CHCHD7: variants seen among roughly 807,000 people sequenced by gnomAD.
The protein encoded by CHCHD7 is coiled-coil-helix-coiled-coil-helix domain-containing protein 7.
CHCHD7 carries 7 observed loss-of-function variants against 10.5 expected under a neutral mutation model. That is an observed-to-expected ratio of 0.67 (90% CI 0.38 to 1.25). The LOEUF is 1.25. Among genes scored for constraint, CHCHD7 ranks in the 50% most tolerant of loss-of-function variants. The pLI is 0.02. For synonymous variants in CHCHD7, 40 were observed against 36.0 expected, an observed-to-expected ratio of 1.11 and a Z score of -0.40; for missense variants, 100 against 104.5, an observed-to-expected ratio of 0.96 and a Z score of 0.19.
intron 1 of CHCHD7, chr8:56,212,964 C>T: frequency 9.1e-7 from 1 of 1,094,700 alleles, no homozygotes; most frequent in Non-Finnish European, 1.4e-6. Context: ...AGGATACTTT[C>T]ATGTAAGGCA....
Position 56,214,975 on chromosome 8 carries a change from A to G in CHCHD7, c.54+308A>G, listed in dbSNP as rs1026696182. On this transcript the variant is annotated intron_variant, in intron 2 of 3. Coordinates refer to ENST00000355315, the MANE Select transcript of CHCHD7 (RefSeq NM_001011671.3). ...AACATGGAAAACTGGAAGGTATGAT[A>G]TTTTTAAACTGTCACTGACATTTAT... is the stretch of plus-strand genomic sequence containing the variant. The G allele has an allele frequency of 3.4e-5, 8 of 238,536 alleles. No individual in the cohort carries two copies. The Admixed American group carries it at 4.0e-4, about 12-fold the overall frequency. 14.8% of individuals were successfully genotyped at this position (238,536 alleles called of 1,614,324 possible).
intron 1 of CHCHD7, chr8:56,214,224 C>G (rs370027865): frequency 6.4e-6 from 1 of 155,878 alleles, no homozygotes; most frequent in Non-Finnish European, 1.4e-5. Context: ...GCACACGGCA[C>G]GACACCAGGC....
rs568207745 is a variant in CHCHD7 at position 56,218,148 on chromosome 8, A to G, written c.*713A>G. 1.3e-4 allele frequency: 30 copies of G among 228,090 alleles called. No homozygotes were observed. The South Asian group carries it at 5.1e-3, about 39-fold the overall frequency. 14.1% of individuals were successfully genotyped at this position (228,090 alleles called of 1,614,324 possible). On this transcript the variant is annotated 3_prime_UTR_variant, in exon 4 of 4. Transcript: ENST00000355315. ...GGTTGCCTTCTGCAGCTGTAGTATC[A>G]GTTTTTGAACCACAGTAATGGGAAG... is the stretch of plus-strand genomic sequence containing the variant.
intron 1 of CHCHD7, chr8:56,212,819 G>A (rs376019218): frequency 2.6e-5 from 38 of 1,482,404 alleles, no homozygotes; most frequent in African/African-American, 1.4e-5. Flanking sequence ...AACTTAGAGT[G>A]CCTTGTATTT....
At position 56,218,431 on chromosome 8, in the gene CHCHD7, T is replaced by A. The variant is rs1813486321; in HGVS notation, c.*996T>A. 2 of 220,376 alleles carry A rather than the reference T, an allele frequency of 9.1e-6. No individual in the cohort carries two copies. The highest frequency in any genetic ancestry group is 1.8e-5 in the Non-Finnish European group (2 of 110,176). 13.7% of individuals were successfully genotyped at this position (220,376 alleles called of 1,614,324 possible). On this transcript the variant is annotated 3_prime_UTR_variant, in exon 4 of 4. Coordinates refer to ENST00000355315, the MANE Select transcript of CHCHD7 (RefSeq NM_001011671.3). ...AAGACATACTATTATTGAATGAAAT[T>A]TAATGTGTACTTGAAAACATTGCTT...
At position 56,217,609 on chromosome 8, in the gene CHCHD7, G is replaced by T; in HGVS notation, c.*174G>T. The T allele has an allele frequency of 2.0e-6, 1 of 503,514 alleles. No individual in the cohort carries two copies. The highest frequency in any genetic ancestry group is 3.6e-6 in the Non-Finnish European group (1 of 280,888). The allele number at this position is 503,514 out of a possible 1,614,324, so 31.2% of individuals were successfully genotyped here. On this transcript the variant is annotated 3_prime_UTR_variant, in exon 4 of 4. Coordinates refer to ENST00000355315, the MANE Select transcript of CHCHD7 (RefSeq NM_001011671.3). ...TGCTTGCTCTCAGTGCCATGCCGAT[G>T]GTATGTTGCTGTTGGCTGTGTTGTG... is the stretch of plus-strand genomic sequence containing the variant.
intron 2 of CHCHD7, 156 bp from the exon 3 acceptor site, chr8:56,216,277 C>T (rs568227501): frequency 2.3e-4 from 272 of 1,169,714 alleles, no homozygotes; most frequent in African/African-American, 3.0e-4. Flanking sequence ...GGATAGCTGG[C>T]GAGATTGTCC....
At chr8:56,212,629 C>A in intron 1 of CHCHD7, 1 of 461,050 alleles carries the variant, frequency 2.2e-6, no homozygotes, top group Non-Finnish European at 3.9e-6. Context: ...TTATGCTCTG[C>A]AAGTAGTAGA....
chr8:56,216,821 TC>T (rs1418672575), intron 3 of CHCHD7: 3 of 674,254 alleles, frequency 4.4e-6, no homozygotes, highest in East Asian at 5.5e-5. Context: ...AATTTAGTTT[TC>T]CTGGAGATGA....
chr8:56,217,004 T>C (rs1274327385), intron 3 of CHCHD7: 1 of 421,820 alleles, frequency 2.4e-6, no homozygotes, highest in Non-Finnish European at 4.3e-6. Context: ...TTCGCTTTGC[T>C]AAATGCACTG....
rs371224115 is a variant in CHCHD7 at position 56,214,542 on chromosome 8, A to G, written c.-16-56A>G. 3.0e-6 allele frequency: 4 copies of G among 1,332,038 alleles called. No homozygotes were observed. The African/African-American group carries it at 4.4e-5, about 15-fold the overall frequency. The allele number at this position is 1,332,038 out of a possible 1,614,324, so 82.5% of individuals were successfully genotyped here. A position where few individuals can be genotyped will look rare whatever the true frequency, so the allele number is the denominator to read the frequency against. Reference sequence around the variant, plus strand: ...GGTACTTTTAGTGCTATTGAGATGTATTGATTTATTTTCTGTCAACTACTG... The same window carrying G: ...GGTACTTTTAGTGCTATTGAGATGTGTTGATTTATTTTCTGTCAACTACTG... On this transcript the variant is annotated intron_variant, in intron 1 of 3. Coordinates refer to ENST00000355315, the MANE Select transcript of CHCHD7 (RefSeq NM_001011671.3).
At position 56,217,574 on chromosome 8, in the gene CHCHD7, G is replaced by T. The variant is rs775625330; in HGVS notation, c.*139G>T. On this transcript the variant is annotated 3_prime_UTR_variant, in exon 4 of 4. Transcript: ENST00000355315. ...CAAGTGGAGACAGTGAAGTCACCCC[G>T]TGTCCTTTTTGCTTGCTCTCAGTGC... The T allele has an allele frequency of 8.3e-5, 46 of 553,912 alleles. No homozygotes were observed. The highest frequency in any genetic ancestry group is 1.3e-4 in the Non-Finnish European group (42 of 315,012). 34.3% of individuals were successfully genotyped at this position (553,912 alleles called of 1,614,324 possible).
chr8:56,216,739 T>G (rs1371413779), intron 3 of CHCHD7: 36 of 707,052 alleles, frequency 5.1e-5, no homozygotes, highest in Non-Finnish European at 8.2e-5. Flanking sequence ...GCTATAAGAA[T>G]GCAGTTTTAA....
rs942345012 is a variant in CHCHD7 at position 56,216,084 on chromosome 8, T to C, written c.55-349T>C. On this transcript the variant is annotated intron_variant, in intron 2 of 3. Transcript: ENST00000355315. ...GAGAGATGTACTGTGAGTCAGGAGA[T>C]GGATTCTGATTCTAGTTGTGCAGTA... 2.0e-5 allele frequency among the ~76,000 whole-genome samples: 3 copies of C among 152,344 alleles called. No homozygotes were observed. The East Asian group carries it at 5.8e-4, about 29-fold the overall frequency.
In CHCHD7 at chr8:56,218,388, A is replaced by G. The variant is rs1813483913; in HGVS notation, c.*953A>G. On this transcript the variant is annotated 3_prime_UTR_variant, in exon 4 of 4. Coordinates refer to ENST00000355315, the MANE Select transcript of CHCHD7 (RefSeq NM_001011671.3). ...ACTGCCTTTTAGAATCGTTTGTTTT[A>G]TTCATGGTAGTTTTATGAAGACATA... 1 of 222,634 alleles carries G rather than the reference A, an allele frequency of 4.5e-6. No homozygotes were observed. Among genetic ancestry groups the G allele is most frequent in the African/African-American group, 2.2e-5 (1 of 44,760 alleles). The allele number at this position is 222,634 out of a possible 1,614,324, so 13.8% of individuals were successfully genotyped here.
intron 3 of CHCHD7, 186 bp downstream of exon 3, chr8:56,216,717 G>A (rs900881705): frequency 2.2e-5 from 16 of 728,330 alleles, no homozygotes; most frequent in East Asian, 5.4e-5. Context: ...TAGCTGCCTC[G>A]TCGTCCTCTA....
intron 3 of CHCHD7, chr8:56,216,736 G>T: frequency 1.4e-6 from 1 of 708,396 alleles, no homozygotes; most frequent in South Asian, 1.5e-5. Flanking sequence ...TAAGCTATAA[G>T]AATGCAGTTT....
intron 1 of CHCHD7, chr8:56,212,645 G>C: frequency 1.9e-6 from 1 of 523,190 alleles, no homozygotes; most frequent in South Asian, 3.0e-5. Context: ...GTAGAGCCTT[G>C]TAACATTTAT....
chr8:56,213,159 A>T, intron 1 of CHCHD7: 1 of 331,022 alleles, frequency 3.0e-6, no homozygotes, highest in Admixed American at 4.8e-5. Flanking sequence ...TCAGGAGAGG[A>T]AGAAGCTTGT....
Sources: gnomAD v4.1 joint callset for allele counts (sites outside exome capture counted in the v4.1 genomes callset) on GRCh38, gnomAD v4.1.1 for gene constraint, MANE v1.5 for transcripts, NCBI Gene and HGNC (gene_info 2026-07-23, HGNC 2026-07-21) for gene names.